Variants in DNPEP observed in about 807,000 individuals in gnomAD.
DNPEP encodes the protein aspartyl aminopeptidase.
Under a neutral mutation model 59.1 loss-of-function variants are expected in DNPEP, and 46 were observed. That is an observed-to-expected ratio of 0.78 (90% CI 0.61 to 0.99). DNPEP has a LOEUF of 0.99. DNPEP is among the 50% of genes least tolerant of loss of function. DNPEP has a pLI of 0.00. For synonymous variants in DNPEP, 229 were observed against 242.2 expected (o/e 0.95, Z 0.50); for missense variants, 617 against 649.9 (o/e 0.95, Z 0.55).
chr2:219,388,068 CCTTGCCCCGCCCCTAG>C, upstream of DNPEP: 1 of 539,870 alleles, frequency 1.9e-6, no homozygotes, highest in Non-Finnish European at 2.7e-6. Context: ...CTTGCCCCGC[CCTTGCCCCGCCCCTAG>C]CTTGGCCGCA....
chr2:219,395,122 A>G (rs1453615222), intron 1 of DNPEP, among the ~76,000 whole-genome samples: 1 of 151,806 alleles, frequency 6.6e-6, no homozygotes, highest in Non-Finnish European at 1.5e-5. Flanking sequence ...CTAATTTTGT[A>G]TTTTTAGTAG....
At position 219,383,186 on chromosome 2, in the gene DNPEP, C is replaced by G; in HGVS notation, c.881G>C (p.Gly294Ala). ...CACGTGAGGCTCTGTGGCCAGGGAG[C>G]CAGGGCCTGCACAGGAATCTATCAA... is the stretch of plus-strand genomic sequence containing the variant. ...QALIDSCAGPGSLATEPHVRM... is the reference protein window; with the variant it reads ...QALIDSCAGPASLATEPHVRM... Residue 294 changes from glycine (G) to alanine (A), a missense_variant, in exon 10 of 15, where the codon GGC becomes GCC. Gly to Ala is a moderately conservative substitution (Grantham distance 60, BLOSUM62 0). Coordinates refer to ENST00000273075, the MANE Select transcript of DNPEP (RefSeq NM_012100.4). 6.2e-7 allele frequency: 1 copy of G among 1,614,150 alleles called. No individual in the cohort carries two copies. The highest frequency in any genetic ancestry group is 8.5e-7 in the Non-Finnish European group (1 of 1,180,004).
Position 219,384,581 on chromosome 2 carries a change from T to TG in DNPEP, c.775-139_775-138insC, listed in dbSNP as rs1953732606. 110 of 621,756 alleles carry TG rather than the reference T, an allele frequency of 1.8e-4. 4 individuals carry two copies. The South Asian group carries it at 2.2e-3, about 13-fold the overall frequency. 38.5% of individuals were successfully genotyped at this position (621,756 alleles called of 1,614,324 possible). On this transcript the variant is annotated intron_variant, in intron 8 of 14. Coordinates refer to ENST00000273075, the MANE Select transcript of DNPEP (RefSeq NM_012100.4). ...TAGGGCACTATTTTGTTTTTTCTTT[T>TG]TTTTGAGATGAAGGTTCGCTCTTGT...
intron 13 of DNPEP, among the ~76,000 whole-genome samples, chr2:219,379,963 C>G (rs1172829908): frequency 6.6e-6 from 1 of 151,516 alleles, no homozygotes; most frequent in African/African-American, 2.4e-5. Context: ...TAAAAAGTTA[C>G]AGTAAACTAA....
At position 219,385,994 on chromosome 2, in the gene DNPEP, G is replaced by A; in HGVS notation, c.564C>T (p.Asn188=). ...AIHLQRNINE[N]FGPNTEMHLV... ...GATGCATCTCTGTGTTGGGCCCAAA[G>A]TTCTCGTTGATATTTCGCTGCAGAT... Residue 188 remains asparagine, a synonymous_variant, in exon 6 of 15, where the codon AAC becomes AAT. Coordinates refer to ENST00000273075, the MANE Select transcript of DNPEP (RefSeq NM_012100.4). The A allele has an allele frequency of 6.2e-7, 1 of 1,614,182 alleles. No homozygotes were observed.
At position 219,376,920 on chromosome 2, in the gene DNPEP, A is replaced by C. The variant is rs1574970536; in HGVS notation, c.1240-1898T>G. ...ATCTTTGCAAGGCTAAGGGTGGCCC[A>C]CCCAGATATCATGTGTGTGATGCCA... On this transcript the variant is annotated intron_variant, in intron 13 of 14. Coordinates refer to ENST00000273075, the MANE Select transcript of DNPEP (RefSeq NM_012100.4). Among the ~76,000 whole-genome samples, 6 of 152,212 alleles carry C rather than the reference A, an allele frequency of 3.9e-5. No individual in the cohort carries two copies. The South Asian group carries it at 1.0e-3, about 26-fold the overall frequency.
intron 3 of DNPEP, 37 bp downstream of exon 3, chr2:219,386,855 G>T: frequency 6.2e-7 from 1 of 1,610,942 alleles, no homozygotes; most frequent in South Asian, 1.1e-5. Flanking sequence ...GACCAGCCTA[G>T]GGACCTGCCT....
intron 1 of DNPEP, 184 bp downstream of exon 1, chr2:219,387,575 C>T (rs1953904825): frequency 6.6e-7 from 1 of 1,506,356 alleles, no homozygotes; most frequent in African/African-American, 1.4e-5. Flanking sequence ...CTCGCACCCA[C>T]CTAGTCTCTC....
At chr2:219,385,146 G>T in intron 8 of DNPEP, 1 of 382,634 alleles carries the variant, frequency 2.6e-6, no homozygotes, top group Non-Finnish European at 4.8e-6. Flanking sequence ...GTGTCAGTGT[G>T]GGTCAAAGCA....
intron 13 of DNPEP, among the ~76,000 whole-genome samples, chr2:219,380,387 A>G (rs1953543325): frequency 6.6e-6 from 1 of 151,404 alleles, no homozygotes; most frequent in Non-Finnish European, 1.5e-5. Context: ...CCGCCTGCCT[A>G]ATTTTTGTAT....
chr2:219,387,722 G>A (rs754443554), intron 1 of DNPEP, 37 bp downstream of exon 1: 12 of 1,607,910 alleles, frequency 7.5e-6, no homozygotes, highest in Middle Eastern at 3.3e-4. Flanking sequence ...CCCGGTCTGG[G>A]ATCGAAATTC....
At position 219,386,047 on chromosome 2, in the gene DNPEP, T is replaced by C. The variant is rs6742404; in HGVS notation, c.511A>G (p.Ile171Val). The C allele has an allele frequency of 5.0e-3, 8,089 of 1,614,094 alleles. 365 individuals carry two copies. In the African/African-American group the frequency reaches 0.095, roughly 19 times the overall value. The change falls in exon 6 of 15, where the codon ATT (isoleucine) becomes GTT (valine). Residue 171 changes from isoleucine to valine, a missense_variant. By Grantham distance (29) the Ile-to-Val change is conservative. Transcript: ENST00000273075. ...EQQLVHVERP[I>V]LRIPHLAIHL... ...ATGGCCAGGTGTGGGATGCGAAGAA[T>C]GGGCCGCTCCACGTGCACCAGCTGC...
chr2:219,385,472 G>C lies in DNPEP; in HGVS notation c.726C>G (p.Pro242=). 1 of 1,609,012 alleles carries C rather than the reference G, an allele frequency of 6.2e-7. No homozygotes were observed. Among genetic ancestry groups the C allele is most frequent in the Non-Finnish European group, 8.5e-7 (1 of 1,175,774 alleles). ...AGAGCTCCATCTCCACTATGTCCTT[G>C]GGGCTCAGCCCCAGATGGGCACAGA... ...SLLCAHLGLS[P]KDIVEMELCL... Residue 242 remains proline, a synonymous_variant, in exon 8 of 15, where the codon CCC becomes CCG. Transcript: ENST00000273075.
intron 8 of DNPEP, chr2:219,384,810 T>C: frequency 5.1e-6 from 1 of 197,236 alleles, no homozygotes; most frequent in South Asian, 7.7e-5. Flanking sequence ...CTCATGTGAT[T>C]CCCCCCGCCT....
At chr2:219,399,258 T>C (rs761711372) in intron 1 of DNPEP, among the ~76,000 whole-genome samples, 8 of 152,214 alleles carry the variant, frequency 5.3e-5, no homozygotes, top group Non-Finnish European at 1.0e-4. Context: ...AGCTTATGAA[T>C]CATGGCTTTT....
chr2:219,388,794 A>G (rs1953960774), upstream of DNPEP: 1 of 985,488 alleles, frequency 1.0e-6, no homozygotes, highest in East Asian at 1.1e-4. Flanking sequence ...TGGGGCGCTC[A>G]CGGTGAGCTT....
At position 219,386,072 on chromosome 2, in the gene DNPEP, C is replaced by T. The variant is rs1953814110; in HGVS notation, c.486G>A (p.Gln162=). 1.2e-6 allele frequency: 2 copies of T among 1,614,040 alleles called. No homozygotes were observed. Among genetic ancestry groups the T allele is most frequent in the Non-Finnish European group, 1.7e-6 (2 of 1,180,028 alleles). Residue 162 remains glutamine (Q), a synonymous_variant, in exon 6 of 15, where the codon CAG becomes CAA. Transcript: ENST00000273075. ...TGGGCCGCTCCACGTGCACCAGCTG[C>T]TGCTCCAGCCGACCTGAGGTAGGGC... is the stretch of plus-strand genomic sequence containing the variant. ...VKCPTSGRLE[Q]QLVHVERPIL...
At chr2:219,376,791 C>A (rs546392147) in intron 13 of DNPEP, among the ~76,000 whole-genome samples, 11 of 152,256 alleles carry the variant, frequency 7.2e-5, no homozygotes, top group African/African-American at 2.4e-4. Context: ...CATTAGGTAT[C>A]TGGTTAATAG....
chr2:219,382,735 C>T (rs951244488), intron 10 of DNPEP, among the ~76,000 whole-genome samples: 2 of 152,214 alleles, frequency 1.3e-5, no homozygotes, highest in South Asian at 2.1e-4. Flanking sequence ...AGGGACCCCT[C>T]CTAAACTGCT....
Sources: allele counts gnomAD v4.1 joint callset (sites outside exome capture counted in the v4.1 genomes callset), GRCh38; gene constraint gnomAD v4.1.1; transcripts MANE v1.5; gene names NCBI Gene and HGNC (gene_info 2026-07-23, HGNC 2026-07-21).